Variants in PAM observed in about 807,000 individuals in gnomAD.
PAM encodes peptidyl-glycine alpha-amidating monooxygenase.
A neutral mutation model predicts 122.1 loss-of-function variants in PAM; 72 were observed. That is an observed-to-expected ratio of 0.59 (90% CI 0.49 to 0.72). The LOEUF is 0.72. PAM is among the 30% of genes least tolerant of loss of function. PAM has a pLI of 0.00. For missense variants in PAM, 1,106 were observed against 1,183.7 expected (o/e 0.93, Z 0.96); for synonymous variants, 389 against 404.4 (o/e 0.96, Z 0.46).
At chr5:102,966,441 CT>C (rs1166068805) in intron 14 of PAM, among the ~76,000 whole-genome samples, 1 of 151,988 alleles carries the variant, frequency 6.6e-6, no homozygotes, top group Non-Finnish European at 1.5e-5. Flanking sequence ...AAGTTGATTT[CT>C]GATTGCTTTT....
Position 102,888,755 on chromosome 5 carries a change from G to A in PAM, c.211-12601G>A, listed in dbSNP as rs79716217. On this transcript the variant is annotated intron_variant, in intron 3 of 25. Coordinates refer to ENST00000438793, the MANE Select transcript of PAM (RefSeq NM_001177306.2). ...TAATGTCTCTTTTCTGAGCCTCTCT[G>A]ATGCTGAGAGAAGTCTTGGTTACCT... Among the ~76,000 whole-genome samples, 1,223 of 151,902 alleles carry A rather than the reference G, an allele frequency of 8.1e-3. 22 individuals carry two copies. The highest frequency in any genetic ancestry group is 0.028 in the African/African-American group (1,144 of 41,486).
chr5:102,803,823 A>C (rs554732915), intron 1 of PAM, among the ~76,000 whole-genome samples: 27 of 152,332 alleles, frequency 1.8e-4, no homozygotes, highest in Admixed American at 9.8e-4. Flanking sequence ...TAAGAGGTGA[A>C]TATTGACTTT....
intron 14 of PAM, among the ~76,000 whole-genome samples, chr5:102,963,382 G>A (rs1231571074): frequency 6.6e-6 from 1 of 151,818 alleles, no homozygotes; most frequent in East Asian, 1.9e-4. Flanking sequence ...TGCATTCTTT[G>A]GAAAGTCAAC....
At chr5:102,948,330 A>G (rs1757668811) in intron 8 of PAM, 48 bp from the exon 9 acceptor site, 2 of 1,045,674 alleles carry the variant, frequency 1.9e-6, no homozygotes, top group Admixed American at 1.8e-5. Context: ...CAAAACAGTC[A>G]TTTTGACTTT....
chr5:103,024,133 G>A (rs1236477872), intron 23 of PAM, among the ~76,000 whole-genome samples: 1 of 152,126 alleles, frequency 6.6e-6, no homozygotes, highest in African/African-American at 2.4e-5. Context: ...TGTATGACCT[G>A]TGAGTCTTCC....
At chr5:102,831,494 T>C (rs1046999380) in intron 1 of PAM, among the ~76,000 whole-genome samples, 4 of 151,996 alleles carry the variant, frequency 2.6e-5, no homozygotes, top group African/African-American at 9.7e-5. Flanking sequence ...TTAACATAGA[T>C]TAAATCTTTG....
chr5:102,984,715 G>A (rs1006805551), intron 15 of PAM, among the ~76,000 whole-genome samples: 10 of 152,040 alleles, frequency 6.6e-5, no homozygotes, highest in Admixed American at 2.0e-4. Context: ...TTGAAACTGC[G>A]CTTTAGACCA....
intron 1 of PAM, among the ~76,000 whole-genome samples, chr5:102,774,441 C>G (rs2149793606): frequency 6.6e-6 from 1 of 152,178 alleles, no homozygotes; most frequent in Middle Eastern, 3.4e-3. Context: ...TGTGACCTTT[C>G]TGTGTCAGTT....
In PAM at chr5:103,028,874, T is replaced by C; in HGVS notation, c.2744-13T>C. The C allele has an allele frequency of 2.5e-6, 4 of 1,588,416 alleles. No individual in the cohort carries two copies. The highest frequency in any genetic ancestry group is 3.4e-6 in the Non-Finnish European group (4 of 1,167,924). On this transcript the variant is annotated splice_polypyrimidine_tract_variant and intron_variant, in intron 25 of 25. Coordinates refer to ENST00000438793, the MANE Select transcript of PAM (RefSeq NM_001177306.2). Reference sequence around the variant, plus strand: ...AACTTTACCCAATTCTGTTATTGTTTGCTTTTTTTCAGGAAAGGGAAGTGG... The same window carrying C: ...AACTTTACCCAATTCTGTTATTGTTCGCTTTTTTTCAGGAAAGGGAAGTGG...
intron 3 of PAM, among the ~76,000 whole-genome samples, chr5:102,893,440 T>C (rs1795300091): frequency 6.6e-6 from 1 of 151,740 alleles, no homozygotes; most frequent in Non-Finnish European, 1.5e-5. Flanking sequence ...GGGAGAGGAA[T>C]GTGAATACAT....
chr5:102,846,432 C>A (rs1003465183), intron 1 of PAM, among the ~76,000 whole-genome samples: 3 of 152,188 alleles, frequency 2.0e-5, no homozygotes, highest in Non-Finnish European at 2.9e-5. Flanking sequence ...TTGCTGTCTC[C>A]TGCCTCAAGG....
At position 102,778,903 on chromosome 5, in the gene PAM, G is replaced by T. The variant is rs189427337; in HGVS notation, c.-374+23555G>T. Among the ~76,000 whole-genome samples the T allele has an allele frequency of 1.6e-3, 244 of 152,110 alleles. 1 individual carries two copies. Among genetic ancestry groups the T allele is most frequent in the African/African-American group, 5.5e-3 (230 of 41,494 alleles). ...GAATACTTTGTGTGCATTTGAATCA[G>T]GCAGTCCTTAATTCTCAGAGATCTA... is the stretch of plus-strand genomic sequence containing the variant. On this transcript the variant is annotated intron_variant, in intron 1 of 25. Coordinates refer to ENST00000438793, the MANE Select transcript of PAM (RefSeq NM_001177306.2).
rs775528013 is a variant in PAM, at chr5:102,959,868, C to T, written c.906-7C>T. Reference sequence around the variant, plus strand: ...GTTGATTTGTTATATCTTTTTTTTGCCTGCAGTGGCACGTCTAGTGATGAA... The same window carrying T: ...GTTGATTTGTTATATCTTTTTTTTGTCTGCAGTGGCACGTCTAGTGATGAA... On this transcript the variant is annotated splice_region_variant and splice_polypyrimidine_tract_variant and intron_variant, in intron 12 of 25. Coordinates refer to ENST00000438793, the MANE Select transcript of PAM (RefSeq NM_001177306.2). 1.3e-5 allele frequency: 21 copies of T among 1,590,666 alleles called. No homozygotes were observed. In the Admixed American group the frequency reaches 3.1e-4, roughly 24 times the overall value.
chr5:102,884,393 T>C lies in PAM; in HGVS notation c.211-16963T>C, dbSNP rs145014335. ...AAATGTTTCATTCCTATTCCCCTGC[T>C]TTGCACCGGTGCTATTAAAAGAGCC... On this transcript the variant is annotated intron_variant, in intron 3 of 25. Transcript: ENST00000438793. 3.0e-3 allele frequency among the ~76,000 whole-genome samples: 463 copies of C among 151,958 alleles called. 4 individuals carry two copies. Among genetic ancestry groups the C allele is most frequent in the African/African-American group, 0.011 (439 of 41,514 alleles).
chr5:102,994,395 A>T, intron 16 of PAM, among the ~76,000 whole-genome samples: 1 of 152,172 alleles, frequency 6.6e-6, no homozygotes, highest in East Asian at 1.9e-4. Flanking sequence ...TTGCAAACTG[A>T]ATATTCTCCA....
At chr5:103,022,161 A>G (rs1382773409) in intron 23 of PAM, among the ~76,000 whole-genome samples, 1 of 151,502 alleles carries the variant, frequency 6.6e-6, no homozygotes, top group Admixed American at 6.6e-5. Context: ...ACTTTTAAAA[A>G]ATAAAAAAAC....
intron 7 of PAM, among the ~76,000 whole-genome samples, chr5:102,934,730 C>A (rs765861311): frequency 1.3e-5 from 2 of 152,126 alleles, no homozygotes; most frequent in Non-Finnish European, 2.9e-5. Context: ...GAATCTGGGG[C>A]ACCATCCCTA....
intron 1 of PAM, among the ~76,000 whole-genome samples, chr5:102,762,841 C>T (rs1325884378): frequency 6.6e-6 from 1 of 152,180 alleles, no homozygotes; most frequent in Non-Finnish European, 1.5e-5. Context: ...CCTCACTTAG[C>T]TATTACTGTA....
intron 15 of PAM, chr5:102,987,431 A>G (rs537757782): frequency 7.9e-4 from 319 of 404,794 alleles, no homozygotes; most frequent in Non-Finnish European, 1.4e-3. Context: ...GGGTACCAAC[A>G]TGTAGAGAGA....
Sources: gnomAD v4.1 joint callset for allele counts (sites outside exome capture counted in the v4.1 genomes callset) on GRCh38, gnomAD v4.1.1 for gene constraint, MANE v1.5 for transcripts, NCBI Gene and HGNC (gene_info 2026-07-23, HGNC 2026-07-21) for gene names.